The following MIDEAS variants were observed in gnomAD, a reference collection of about 807,000 sequenced individuals.
MIDEAS encodes mitotic deacetylase associated SANT domain protein.
A neutral mutation model predicts 102.7 loss-of-function variants in MIDEAS; 26 were observed. That is an observed-to-expected ratio of 0.25 (90% CI 0.19 to 0.35). The LOEUF is 0.35. Ranked by LOEUF, MIDEAS falls within the 10% of genes least tolerant of loss-of-function variation. The probability of loss-of-function intolerance (pLI) is 1.00; values close to 1 mark genes in which losing one functional copy is unlikely to be tolerated. For synonymous variants in MIDEAS, 585 were observed against 591.0 expected, an observed-to-expected ratio of 0.99 and a Z score of 0.15; for missense variants, 1,231 against 1,435.6, an observed-to-expected ratio of 0.86 and a Z score of 2.30.
intron 1 of MIDEAS, among the ~76,000 whole-genome samples, chr14:73,774,265 A>T (rs2053669869): frequency 6.6e-6 from 1 of 151,798 alleles, no homozygotes; most frequent in Non-Finnish European, 1.5e-5. Flanking sequence ...TTCATAGACA[A>T]ACGGAGACTG....
intron 4 of MIDEAS, 60 bp downstream of exon 4, chr14:73,729,580 G>A: frequency 2.2e-6 from 3 of 1,379,972 alleles, no homozygotes; most frequent in Non-Finnish European, 3.0e-6. Context: ...AGGCTGAGAT[G>A]CCTCCCTGCC....
upstream of MIDEAS, among the ~76,000 whole-genome samples, chr14:73,764,349 A>ACAAAAC (rs1369670727): frequency 6.0e-5 from 8 of 133,282 alleles, no homozygotes; most frequent in African/African-American, 1.9e-4. Context: ...CAAAAAAAAA[A>ACAAAAC]AAAAAAAAAA....
At chr14:73,763,022 G>A (rs2053566060), upstream of MIDEAS, among the ~76,000 whole-genome samples, 1 of 152,152 alleles carries the variant, frequency 6.6e-6, no homozygotes, top group Non-Finnish European at 1.5e-5. Context: ...TTCATCAGCA[G>A]TATCTAGACC....
chr14:73,743,154 C>T (rs1003958900), intron 1 of MIDEAS, among the ~76,000 whole-genome samples: 1 of 152,034 alleles, frequency 6.6e-6, no homozygotes, highest in Non-Finnish European at 1.5e-5. Context: ...GACCCCAGAC[C>T]CCTCTTCATA....
rs544043117 is a variant in MIDEAS, at chr14:73,725,208, G to A, written c.2574+64C>T. Reference sequence around the variant, plus strand: ...TAAGAGGGATTGGTCACTGGCAGAGGGAGCCCCAAAGTCACACAGGCAGCT... The same window carrying A: ...TAAGAGGGATTGGTCACTGGCAGAGAGAGCCCCAAAGTCACACAGGCAGCT... On this transcript the variant is annotated intron_variant, in intron 9 of 12. Coordinates refer to ENST00000423556, the MANE Select transcript of MIDEAS (RefSeq NM_001367710.1). This position sits in a 1 kb window ranked among gnomAD's most constrained non-coding sequence, Gnocchi z 4.1. 1.4e-5 allele frequency: 19 copies of A among 1,317,228 alleles called. No individual in the cohort carries two copies. In the East Asian group the frequency reaches 4.4e-4, roughly 30 times the overall value. 81.6% of individuals were successfully genotyped at this position (1,317,228 alleles called of 1,614,324 possible).
rs2140121968 is a variant in MIDEAS, at chr14:73,738,570, T to C, written c.1439A>G (p.Gln480Arg). 1.3e-6 allele frequency: 2 copies of C among 1,577,388 alleles called. No homozygotes were observed. The highest frequency in any genetic ancestry group is 1.8e-4 in the Middle Eastern group (1 of 5,636). ...AQKAVELASL[Q>R]NAKDGSGSEE... ...GCATGCCACTCTCACCTTTGCATTCTGCAGTGAGGCCAGCTCCACAGCCTT... is the reference window on the plus strand; with the variant it reads ...GCATGCCACTCTCACCTTTGCATTCCGCAGTGAGGCCAGCTCCACAGCCTT... Residue 480 changes from glutamine (Q) to arginine (R), a missense_variant, in exon 2 of 13, where the codon CAG (glutamine) becomes CGG (arginine). Gln to Arg is a conservative substitution (Grantham distance 43). Coordinates refer to ENST00000423556, the MANE Select transcript of MIDEAS (RefSeq NM_001367710.1).
upstream of MIDEAS, among the ~76,000 whole-genome samples, chr14:73,788,066 G>C (rs966356529): frequency 1.3e-5 from 2 of 151,428 alleles, no homozygotes; most frequent in Non-Finnish European, 2.9e-5. Flanking sequence ...TTTAAGATAA[G>C]TAGCAACCAA....
intron 10 of MIDEAS, 125 bp from the exon 11 acceptor site, chr14:73,721,634 A>G: frequency 1.3e-6 from 1 of 799,242 alleles, no homozygotes; most frequent in Admixed American, 2.1e-5. Flanking sequence ...GGCCCAGCAT[A>G]GTCTTCTGTA....
chr14:73,718,708 G>T lies in MIDEAS; in HGVS notation c.*135C>A. ...AAATAAAAGAGCCGTTTATGTCATTGTCTCATTTGTTTCGCAGGGAAAAGT... is the reference window on the plus strand; with the variant it reads ...AAATAAAAGAGCCGTTTATGTCATTTTCTCATTTGTTTCGCAGGGAAAAGT... On this transcript the variant is annotated 3_prime_UTR_variant, in exon 13 of 13. Transcript: ENST00000423556. 3.3e-6 allele frequency: 3 copies of T among 900,210 alleles called. No homozygotes were observed. The highest frequency in any genetic ancestry group is 4.5e-6 in the Non-Finnish European group (3 of 662,580). 55.8% of individuals were successfully genotyped at this position (900,210 alleles called of 1,614,324 possible). A position where few individuals can be genotyped will look rare whatever the true frequency, so the allele number is the denominator to read the frequency against.
At chr14:73,737,770 C>T (rs1566591151) in intron 2 of MIDEAS, among the ~76,000 whole-genome samples, 1 of 143,904 alleles carries the variant, frequency 6.9e-6, no homozygotes, top group African/African-American at 2.7e-5. Context: ...TTTTCTCCGA[C>T]CACTTTTTTT....
At chr14:73,786,708 A>T (rs1288124813) in intron 1 of MIDEAS, among the ~76,000 whole-genome samples, 1 of 152,212 alleles carries the variant, frequency 6.6e-6, no homozygotes, top group Non-Finnish European at 1.5e-5. Flanking sequence ...GGCTGCGAAG[A>T]GGAAGAGGTC....
intron 1 of MIDEAS, among the ~76,000 whole-genome samples, chr14:73,771,316 C>G (rs77592637): frequency 1.9e-3 from 284 of 152,282 alleles, no homozygotes; most frequent in African/African-American, 6.5e-3. Context: ...TCCCTCCACA[C>G]GCATTCTGTC....
rs75264598 is a variant in MIDEAS, at chr14:73,729,565, C to T, written c.2095+75G>A. The T allele has an allele frequency of 7.3e-5, 89 of 1,227,240 alleles. No individual in the cohort carries two copies. In the East Asian group the frequency reaches 1.7e-3, roughly 23 times the overall value. 76.0% of individuals were successfully genotyped at this position (1,227,240 alleles called of 1,614,324 possible). A position where few individuals can be genotyped will look rare whatever the true frequency, so the allele number is the denominator to read the frequency against. On this transcript the variant is annotated intron_variant, in intron 4 of 12. Transcript: ENST00000423556. ...GTGTTCCAGCCCAATCCCCAGCAGC[C>T]CCACAGGCTGAGATGCCTCCCTGCC...
In MIDEAS at chr14:73,719,412, T is replaced by C; in HGVS notation, c.3027A>G (p.Thr1009=). The C allele has an allele frequency of 1.9e-6, 3 of 1,614,158 alleles. No individual in the cohort carries two copies. Among genetic ancestry groups the C allele is most frequent in the Non-Finnish European group, 2.5e-6 (3 of 1,180,038 alleles). ...AAGGTAGTGCCCTTCGTGACTTCCC[T>C]GTCCCTTCCCTTGGCTTCTCCGAGG... ...GQASEKPREG[T]GKSRRALPFS... is the part of the protein sequence containing the mutation. Residue 1009 remains threonine (T), a synonymous_variant, in exon 12 of 13, where the codon ACA becomes ACG. Transcript: ENST00000423556.
At chr14:73,731,093 C>A (rs1490719713) in intron 3 of MIDEAS, among the ~76,000 whole-genome samples, 2 of 152,232 alleles carry the variant, frequency 1.3e-5, no homozygotes, top group African/African-American at 4.8e-5. Context: ...TCCTACTTCT[C>A]CCTGCTAGGT....
chr14:73,779,319 C>T (rs1270838607), intron 1 of MIDEAS, among the ~76,000 whole-genome samples: 2 of 145,750 alleles, frequency 1.4e-5, no homozygotes, highest in Non-Finnish European at 3.0e-5. Flanking sequence ...CACTTGAACC[C>T]GGGAGACGGA....
intron 1 of MIDEAS, among the ~76,000 whole-genome samples, chr14:73,779,780 T>TGC (rs2053733219): frequency 7.0e-6 from 1 of 143,192 alleles, no homozygotes; most frequent in Non-Finnish European, 1.5e-5. Context: ...GGTTTCACCT[T>TGC]GTTAGCCAGG....
At chr14:73,760,410 G>C (rs957119502), upstream of MIDEAS, 2 of 152,236 alleles carry the variant, frequency 1.3e-5, no homozygotes, top group Non-Finnish European at 2.9e-5. The surrounding 1 kb of genome is among the most constrained non-coding windows in gnomAD (Gnocchi z 4.8). Context: ...GCCGGGGCTG[G>C]GGATTTCCAG....
At chr14:73,741,121 G>A (rs1369679925) in intron 1 of MIDEAS, among the ~76,000 whole-genome samples, 2 of 152,150 alleles carry the variant, frequency 1.3e-5, no homozygotes, top group African/African-American at 2.4e-5. Context: ...TTCCACTGCC[G>A]AAGAGCCCCT....
Sources: allele counts gnomAD v4.1 joint callset (sites outside exome capture counted in the v4.1 genomes callset), GRCh38; gene constraint gnomAD v4.1.1; non-coding constraint Gnocchi (gnomAD v3.1); transcripts MANE v1.5; gene names NCBI Gene and HGNC (gene_info 2026-07-23, HGNC 2026-07-21).